GPR176: variants seen among roughly 807,000 people sequenced by gnomAD.
GPR176 encodes the protein G-protein coupled receptor 176.
In GPR176, 26 loss-of-function variants were observed where a neutral mutation model predicts 35.4. The ratio of observed to expected loss-of-function variants is 0.74; its 90% confidence interval spans 0.54 to 1.02. The LOEUF is 1.02. Ranked by LOEUF, GPR176 falls within the 50% of genes least tolerant of loss-of-function variation. The pLI, the probability that GPR176 is intolerant of heterozygous loss-of-function variation, is 0.00. For synonymous variants in GPR176, 278 were observed against 271.3 expected (o/e 1.02, Z -0.24); for missense variants, 597 against 665.3 (o/e 0.90, Z 1.13).
At chr15:39,876,283 A>G (rs1392282814) in intron 1 of GPR176, among the ~76,000 whole-genome samples, 1 of 152,216 alleles carries the variant, frequency 6.6e-6, no homozygotes, top group Non-Finnish European at 1.5e-5. Flanking sequence ...ACATATATTC[A>G]AAATTGATAG....
At chr15:39,872,514 C>T (rs1761949165) in intron 1 of GPR176, among the ~76,000 whole-genome samples, 1 of 152,200 alleles carries the variant, frequency 6.6e-6, no homozygotes, top group South Asian at 2.1e-4. Flanking sequence ...GAAAGGACTT[C>T]ACTGTGTGGT....
chr15:39,834,468 A>T (rs1167577259), intron 1 of GPR176, among the ~76,000 whole-genome samples: 2 of 152,188 alleles, frequency 1.3e-5, no homozygotes, highest in African/African-American at 4.8e-5. Context: ...AGGGTTATGA[A>T]ATCTCCCTAG....
intron 1 of GPR176, among the ~76,000 whole-genome samples, chr15:39,833,538 A>C (rs987134199): frequency 6.6e-6 from 1 of 152,194 alleles, no homozygotes; most frequent in East Asian, 1.9e-4. Context: ...ATGAGAAGAC[A>C]GTATCTTTCT....
chr15:39,866,757 A>C (rs2031848126), intron 1 of GPR176, among the ~76,000 whole-genome samples: 1 of 152,218 alleles, frequency 6.6e-6, no homozygotes, highest in African/African-American at 2.4e-5. Flanking sequence ...TGTATCCCCG[A>C]ATCTAAAATA....
chr15:39,904,798 A>G (rs948380200), intron 1 of GPR176, among the ~76,000 whole-genome samples: 2 of 152,222 alleles, frequency 1.3e-5, no homozygotes, highest in Non-Finnish European at 2.9e-5. Flanking sequence ...GAGCAATGGC[A>G]TGGGGTCACG....
intron 1 of GPR176, among the ~76,000 whole-genome samples, chr15:39,846,097 C>T (rs1181785456): frequency 6.6e-6 from 1 of 152,188 alleles, no homozygotes; most frequent in African/African-American, 2.4e-5. Context: ...TGGACTTCTA[C>T]ATCTGTGAAA....
intron 1 of GPR176, among the ~76,000 whole-genome samples, chr15:39,821,652 G>A (rs985717646): frequency 6.6e-6 from 1 of 152,026 alleles, no homozygotes; most frequent in African/African-American, 2.4e-5. Context: ...TTGTAATAGG[G>A]GTAAGAAGGT....
intron 1 of GPR176, among the ~76,000 whole-genome samples, chr15:39,808,892 CAGTGCATA>C (rs774827811): frequency 6.6e-6 from 1 of 152,180 alleles, no homozygotes; most frequent in South Asian, 2.1e-4. Flanking sequence ...TACTGAATCA[CAGTGCATA>C]AGTATGAAAC....
chr15:39,877,088 T>C (rs896215372), intron 1 of GPR176, among the ~76,000 whole-genome samples: 1 of 152,154 alleles, frequency 6.6e-6, no homozygotes, highest in African/African-American at 2.4e-5. Flanking sequence ...AAAAGTCTCA[T>C]AAGAAAACCC....
intron 1 of GPR176, among the ~76,000 whole-genome samples, chr15:39,887,896 A>G (rs2032728994): frequency 6.6e-6 from 1 of 152,224 alleles, no homozygotes; most frequent in Non-Finnish European, 1.5e-5. Context: ...CAGATATAAA[A>G]GAAGCTCTCT....
Position 39,911,486 on chromosome 15 carries a change from C to T in GPR176, c.172+8369G>A, listed in dbSNP as rs1294619669. 2.0e-5 allele frequency among the ~76,000 whole-genome samples: 3 copies of T among 152,304 alleles called. No homozygotes were observed. In the East Asian group the frequency reaches 5.8e-4, roughly 29 times the overall value. On this transcript the variant is annotated intron_variant, in intron 1 of 2. Coordinates refer to ENST00000561100, the MANE Select transcript of GPR176 (RefSeq NM_007223.3). ...GAAATGTGGCCACTGATCAAAATATCGCTCAAGTCAGTTTGAAGGCATTTC... is the reference window on the plus strand; with the variant it reads ...GAAATGTGGCCACTGATCAAAATATTGCTCAAGTCAGTTTGAAGGCATTTC...
At chr15:39,903,165 G>C (rs553970455) in intron 1 of GPR176, among the ~76,000 whole-genome samples, 1 of 152,310 alleles carries the variant, frequency 6.6e-6, no homozygotes, top group Admixed American at 6.5e-5. Flanking sequence ...CAGTTTAGGT[G>C]TACCAAATGC....
intron 1 of GPR176, among the ~76,000 whole-genome samples, chr15:39,879,042 T>G (rs994674500): frequency 3.3e-5 from 5 of 152,110 alleles, no homozygotes; most frequent in African/African-American, 1.2e-4. Flanking sequence ...TACTGAGAGG[T>G]TACTGAGTGC....
intron 1 of GPR176, among the ~76,000 whole-genome samples, chr15:39,877,428 C>T (rs929743838): frequency 2.6e-5 from 4 of 152,160 alleles, no homozygotes; most frequent in African/African-American, 4.8e-5. Flanking sequence ...CAAATGTGAG[C>T]AAATATTTTT....
At chr15:39,805,296 A>G (rs1899119933) in intron 2 of GPR176, among the ~76,000 whole-genome samples, 1 of 152,216 alleles carries the variant, frequency 6.6e-6, no homozygotes, top group African/African-American at 2.4e-5. Flanking sequence ...CCAGATATTC[A>G]AAAAGCAATG....
intron 1 of GPR176, among the ~76,000 whole-genome samples, chr15:39,809,447 T>C (rs1022731206): frequency 1.3e-5 from 2 of 152,204 alleles, no homozygotes; most frequent in Non-Finnish European, 2.9e-5. Context: ...AAGATAACTA[T>C]ATGATTATTT....
At chr15:39,802,730 C>A (rs1898963922) in intron 2 of GPR176, among the ~76,000 whole-genome samples, 1 of 152,188 alleles carries the variant, frequency 6.6e-6, no homozygotes, top group African/African-American at 2.4e-5. Flanking sequence ...TTTGTCTACA[C>A]ACATATCTAA....
intron 1 of GPR176, among the ~76,000 whole-genome samples, chr15:39,907,119 C>A (rs2033444438): frequency 1.3e-5 from 2 of 152,200 alleles, no homozygotes; most frequent in African/African-American, 4.8e-5. Flanking sequence ...CCATAAGACG[C>A]ATCTAGGAAA....
chr15:39,898,105 T>C (rs1213251846), intron 1 of GPR176, among the ~76,000 whole-genome samples: 1 of 152,106 alleles, frequency 6.6e-6, no homozygotes, highest in East Asian at 1.9e-4. Flanking sequence ...ATAAAACTTA[T>C]TATCTTTATT....
Sources: allele counts gnomAD v4.1 joint callset (sites outside exome capture counted in the v4.1 genomes callset), GRCh38; gene constraint gnomAD v4.1.1; transcripts MANE v1.5; gene names NCBI Gene and HGNC (gene_info 2026-07-23, HGNC 2026-07-21).